PTPRN2: variants seen among roughly 807,000 people sequenced by gnomAD.
PTPRN2 encodes receptor-type tyrosine-protein phosphatase N2.
In PTPRN2, 74 loss-of-function variants were observed where a neutral mutation model predicts 118.8. The observed-to-expected ratio is 0.62, with a 90% CI of 0.52 to 0.76. The LOEUF is 0.76. Ranked by LOEUF, PTPRN2 falls within the 30% of genes least tolerant of loss-of-function variation. The pLI, the probability that PTPRN2 is intolerant of heterozygous loss-of-function variation, is 0.00. For missense variants in PTPRN2, 1,481 were observed against 1,394.4 expected (o/e 1.06, Z -0.99); for synonymous variants, 641 against 608.0 (o/e 1.05, Z -0.80).
At chr7:158,439,220 C>T (rs948178920) in intron 2 of PTPRN2, among the ~76,000 whole-genome samples, 1 of 152,142 alleles carries the variant, frequency 6.6e-6, no homozygotes, top group Middle Eastern at 3.2e-3. Context: ...GTGCCCCCGA[C>T]CACCTCGGGC....
intron 12 of PTPRN2, among the ~76,000 whole-genome samples, chr7:157,797,463 T>A (rs4716500): frequency 0.15 from 22,939 of 151,840 alleles, 1,921 homozygotes; most frequent in African/African-American, 0.21. Context: ...CAGGGATGCT[T>A]ATGGGCTGAG....
At chr7:157,637,389 C>A (rs1164146827) in intron 14 of PTPRN2, among the ~76,000 whole-genome samples, 1 of 152,216 alleles carries the variant, frequency 6.6e-6, no homozygotes, top group African/African-American at 2.4e-5. Flanking sequence ...CCTGTCATCC[C>A]AGCTCTGTGA....
Position 157,929,821 on chromosome 7 carries a change from G to T in PTPRN2, c.1724-31084C>A, listed in dbSNP as rs1799255800. Among the ~76,000 whole-genome samples the T allele has an allele frequency of 6.6e-6, 1 of 151,916 alleles. No individual in the cohort carries two copies. On this transcript the variant is annotated intron_variant, in intron 11 of 22. Transcript: ENST00000389418. The surrounding 1 kb of genome is among the most constrained non-coding windows in gnomAD (Gnocchi z 4.4). ...GCAGAACCTTTCCCAGTGCCCACTG[G>T]TGGTGTTCCCGGGACACCAGGCACT... is the stretch of plus-strand genomic sequence containing the variant.
rs937427641 is a variant in PTPRN2, at chr7:157,674,036, G to A, written c.2001+8689C>T. On this transcript the variant is annotated intron_variant, in intron 13 of 22. Coordinates refer to ENST00000389418, the MANE Select transcript of PTPRN2 (RefSeq NM_002847.5). The surrounding 1 kb of genome is among the most constrained non-coding windows in gnomAD (Gnocchi z 4.5). ...GGTCAGCTCCAAGTTCAGCTATCCC[G>A]AGGTTCCAAGGCTGTCTGCCCACCC... Among the ~76,000 whole-genome samples, 8 of 152,270 alleles carry A rather than the reference G, an allele frequency of 5.3e-5. No individual in the cohort carries two copies. In the South Asian group the frequency reaches 6.2e-4, roughly 12 times the overall value.
chr7:158,148,583 C>T (rs111315282), intron 6 of PTPRN2, among the ~76,000 whole-genome samples: 13 of 106,686 alleles, frequency 1.2e-4, no homozygotes, highest in Non-Finnish European at 1.4e-4. Context: ...TGTCTTTCCC[C>T]CTCACTGACA....
intron 11 of PTPRN2, among the ~76,000 whole-genome samples, chr7:158,064,332 G>A (rs1272969294): frequency 6.6e-6 from 1 of 152,160 alleles, no homozygotes; most frequent in Non-Finnish European, 1.5e-5. Flanking sequence ...TCCTGGGGAC[G>A]TCTCTCAGGA....
intron 12 of PTPRN2, among the ~76,000 whole-genome samples, chr7:157,824,098 C>T (rs1198407678): frequency 6.6e-6 from 1 of 152,206 alleles, no homozygotes; most frequent in African/African-American, 2.4e-5. Context: ...TCCCCCTGAA[C>T]CCAGCGAGAG....
At chr7:157,588,116 T>G (rs1295919682) in intron 17 of PTPRN2, among the ~76,000 whole-genome samples, 1 of 152,244 alleles carries the variant, frequency 6.6e-6, no homozygotes, top group Non-Finnish European at 1.5e-5. Context: ...CCGCACCTGA[T>G]GGTGACAGAC....
At chr7:157,771,800 C>T (rs1177041037) in intron 12 of PTPRN2, among the ~76,000 whole-genome samples, 5 of 148,600 alleles carry the variant, frequency 3.4e-5, no homozygotes, top group Non-Finnish European at 7.4e-5. Context: ...CAGACACAGA[C>T]ACAAACACAC....
At chr7:158,170,720 G>T (rs1823464589) in intron 5 of PTPRN2, among the ~76,000 whole-genome samples, 1 of 152,174 alleles carries the variant, frequency 6.6e-6, no homozygotes, top group Non-Finnish European at 1.5e-5. Flanking sequence ...GGGAACATGG[G>T]CAGTAAAGAA....
At chr7:158,468,019 A>G (rs1670358) in intron 2 of PTPRN2, among the ~76,000 whole-genome samples, 105,006 of 152,078 alleles carry the variant, frequency 0.69, 36,507 homozygotes, top group Admixed American at 0.78. Flanking sequence ...AACAATGTGC[A>G]TAAAATCTCC....
intron 3 of PTPRN2, among the ~76,000 whole-genome samples, chr7:158,219,005 G>A (rs1196451541): frequency 1.3e-5 from 2 of 152,036 alleles, no homozygotes; most frequent in East Asian, 3.9e-4. Flanking sequence ...CCATTTGACA[G>A]CATTAGACAG....
At chr7:158,276,748 C>A (rs553814378) in intron 3 of PTPRN2, among the ~76,000 whole-genome samples, 1 of 152,224 alleles carries the variant, frequency 6.6e-6, no homozygotes, top group Non-Finnish European at 1.5e-5. Context: ...CCAGCTGCTG[C>A]GGGGCCCTGA....
chr7:158,203,925 A>T (rs1296201019), intron 4 of PTPRN2, among the ~76,000 whole-genome samples: 3 of 152,256 alleles, frequency 2.0e-5, no homozygotes, highest in African/African-American at 7.2e-5. Context: ...CAGAAGCACA[A>T]AGAGGCAGCC....
chr7:157,872,665 G>A (rs945068272), intron 12 of PTPRN2, among the ~76,000 whole-genome samples: 5 of 152,262 alleles, frequency 3.3e-5, no homozygotes, highest in African/African-American at 7.2e-5. Flanking sequence ...GCGCTCTTGC[G>A]CCCAGGCCGC....
chr7:158,545,080 G>A (rs969299223), intron 1 of PTPRN2, among the ~76,000 whole-genome samples: 5 of 151,882 alleles, frequency 3.3e-5, no homozygotes, highest in Non-Finnish European at 5.9e-5. Flanking sequence ...GCACCTGCTC[G>A]GACACACCTG....
chr7:158,112,993 A>G (rs1816413893), intron 9 of PTPRN2, among the ~76,000 whole-genome samples: 1 of 151,470 alleles, frequency 6.6e-6, no homozygotes, highest in Non-Finnish European at 1.5e-5. Flanking sequence ...GCCCCCCAGC[A>G]TTTAGGATCC....
intron 11 of PTPRN2, among the ~76,000 whole-genome samples, chr7:157,901,389 C>T (rs1011167229): frequency 1.4e-4 from 21 of 152,070 alleles, no homozygotes; most frequent in Non-Finnish European, 1.0e-4. Context: ...ATGGCGGGGC[C>T]GAACCAACCA....
chr7:158,486,316 T>C (rs1821019089), intron 2 of PTPRN2, among the ~76,000 whole-genome samples: 3 of 152,274 alleles, frequency 2.0e-5, no homozygotes, highest in Admixed American at 2.0e-4. Context: ...TTAATCTTCA[T>C]AGATTTGTTT....
Sources: gnomAD v4.1 joint callset for allele counts (sites outside exome capture counted in the v4.1 genomes callset) on GRCh38, gnomAD v4.1.1 for gene constraint, Gnocchi (gnomAD v3.1) non-coding constraint, MANE v1.5 for transcripts, NCBI Gene and HGNC (gene_info 2026-07-23, HGNC 2026-07-21) for gene names.